Variants in TBC1D21 observed in about 807,000 individuals in gnomAD.
TBC1D21 encodes the protein TBC1 domain family member 21, also known as male germ cell Rab GTPase-activating protein.
In TBC1D21, 38 loss-of-function variants were observed where a neutral mutation model predicts 46.0. The ratio of observed to expected loss-of-function variants is 0.83; its 90% CI spans 0.64 to 1.08. TBC1D21 has a LOEUF of 1.08. TBC1D21 is among the 50% of genes least tolerant of loss of function. The pLI is 0.00. For synonymous variants in TBC1D21, 151 were observed against 157.2 expected (o/e 0.96, Z 0.29); for missense variants, 415 against 417.9 (o/e 0.99, Z 0.06).
chr15:73,896,072 T>G, the TBC1D21 span, among the ~76,000 whole-genome samples: 1 of 151,972 alleles, frequency 6.6e-6, no homozygotes, highest in Non-Finnish European at 1.5e-5. Flanking sequence ...TTCCTGGTAA[T>G]GATAGTGACA....
At chr15:73,892,266 AT>A (rs1240324973), downstream of TBC1D21, among the ~76,000 whole-genome samples, 1 of 152,152 alleles carries the variant, frequency 6.6e-6, no homozygotes, top group Non-Finnish European at 1.5e-5. Context: ...CACATACCTC[AT>A]TCTTCCTGGA....
rs529433343 is a variant in TBC1D21, at chr15:73,884,710, G to A, written c.368-71G>A. Reference sequence around the variant, plus strand: ...CCTAGGGCCTGCCCATTGGGGTAGGGGAAGAAATTCACCCATAGACCTGCT... The same window carrying A: ...CCTAGGGCCTGCCCATTGGGGTAGGAGAAGAAATTCACCCATAGACCTGCT... On this transcript the variant is annotated intron_variant, in intron 4 of 10. Transcript: ENST00000300504. 13 of 1,111,830 alleles carry A rather than the reference G, an allele frequency of 1.2e-5. No individual in the cohort carries two copies. The African/African-American group carries it at 1.7e-4, about 15-fold the overall frequency. 68.9% of individuals were successfully genotyped at this position (1,111,830 alleles called of 1,614,324 possible). A position where few individuals can be genotyped will look rare whatever the true frequency, so the allele number is the denominator to read the frequency against.
chr15:73,898,880 A>AAAAAAAAATATATATAT, the TBC1D21 span, among the ~76,000 whole-genome samples: 47 of 56,784 alleles, frequency 8.3e-4, no homozygotes, highest in African/African-American at 1.3e-3. Context: ...AAAAAAAAAA[A>AAAAAAAAATATATATAT]ATATATATAT....
intron 6 of TBC1D21, 106 bp from the exon 7 acceptor site, chr15:73,885,972 A>G: frequency 4.7e-6 from 4 of 852,538 alleles, no homozygotes; most frequent in Non-Finnish European, 7.7e-6. Context: ...CAGCGCACAG[A>G]CAGACACACA....
the TBC1D21 span, among the ~76,000 whole-genome samples, chr15:73,897,986 C>A: frequency 6.6e-6 from 1 of 152,230 alleles, no homozygotes; most frequent in African/African-American, 2.4e-5. Flanking sequence ...CACACACATT[C>A]TCAGTGTAGT....
At chr15:73,892,550 C>T (rs1567071815), downstream of TBC1D21, among the ~76,000 whole-genome samples, 1 of 152,224 alleles carries the variant, frequency 6.6e-6, no homozygotes, top group Non-Finnish European at 1.5e-5. Flanking sequence ...GTTTGTGGTA[C>T]TCCTGGTCCA....
the TBC1D21 span, among the ~76,000 whole-genome samples, chr15:73,895,627 T>C: frequency 1.3e-5 from 2 of 152,204 alleles, no homozygotes; most frequent in Non-Finnish European, 2.9e-5. Context: ...TGGGAGCAAA[T>C]AGGATGCAAA....
downstream of TBC1D21, among the ~76,000 whole-genome samples, chr15:73,892,090 T>C (rs2068341914): frequency 6.6e-6 from 1 of 152,190 alleles, no homozygotes; most frequent in South Asian, 2.1e-4. Context: ...CAAATCAGCA[T>C]GCACTTCCTC....
At chr15:73,888,630 C>CTCCTCCTCTTCTTCT (rs2068301502) in intron 10 of TBC1D21, 117 bp downstream of exon 10, 2 of 730,464 alleles carry the variant, frequency 2.7e-6, no homozygotes, top group Non-Finnish European at 4.6e-6. Flanking sequence ...CCTCTTCTTC[C>CTCCTCCTCTTCTTCT]TCCTCCTCTT....
chr15:73,896,585 T>G, the TBC1D21 span, among the ~76,000 whole-genome samples: 18,884 of 151,874 alleles, frequency 0.12, 1,466 homozygotes, highest in Non-Finnish European at 0.17. Flanking sequence ...CTAGAGAACG[T>G]GGCGGAACAA....
rs2068200473 is a variant in TBC1D21 at position 73,884,106 on chromosome 15, G to T, written c.273-45G>T. 4 of 1,405,532 alleles carry T rather than the reference G, an allele frequency of 2.8e-6. No individual in the cohort carries two copies. The African/African-American group carries it at 9.4e-5, about 33-fold the overall frequency. 87.1% of individuals were successfully genotyped at this position (1,405,532 alleles called of 1,614,324 possible). ...GCAGCTGCTCATTCACCACTTATCA[G>T]AAGGGGAAAAGCCACCTTGTTCAGC... On this transcript the variant is annotated intron_variant, in intron 3 of 10. Transcript: ENST00000300504.
chr15:73,885,090 T>TC lies in TBC1D21; in HGVS notation c.568dup (p.Leu190ProfsTer34). On this transcript the variant is annotated frameshift_variant, in exon 6 of 11. Coordinates refer to ENST00000300504, the MANE Select transcript of TBC1D21 (RefSeq NM_153356.3). LOFTEE classifies it high-confidence loss of function. ...GAGACCTTCTGGCTTTTCCAGTTCT[T>TC]CCTGCAGAAAACGGTGAGGGCAAGG... 6.2e-7 allele frequency: 1 copy of TC among 1,612,630 alleles called. No individual in the cohort carries two copies. Among genetic ancestry groups the TC allele is most frequent in the Non-Finnish European group, 8.5e-7 (1 of 1,179,946 alleles).
At chr15:73,895,072 C>A in the TBC1D21 span, among the ~76,000 whole-genome samples, 2 of 152,154 alleles carry the variant, frequency 1.3e-5, no homozygotes, top group Admixed American at 6.5e-5. Flanking sequence ...TTAAAAATAA[C>A]CAATTCCCAG....
downstream of TBC1D21, chr15:73,889,265 G>A: frequency 2.5e-6 from 2 of 800,312 alleles, no homozygotes; most frequent in Admixed American, 2.1e-5. Context: ...GGACGCACAT[G>A]AGGGCTGAGA....
chr15:73,899,939 G>A, the TBC1D21 span, among the ~76,000 whole-genome samples: 1 of 152,230 alleles, frequency 6.6e-6, no homozygotes, highest in Non-Finnish European at 1.5e-5. Context: ...GTCTGCACAG[G>A]GGACTGGGCC....
the TBC1D21 span, among the ~76,000 whole-genome samples, chr15:73,905,561 T>G: frequency 6.6e-6 from 1 of 152,258 alleles, no homozygotes; most frequent in African/African-American, 2.4e-5. Context: ...ACACCTTTTC[T>G]TAATTCTGCA....
At chr15:73,886,265 G>A in intron 7 of TBC1D21, 91 bp downstream of exon 7, 2 of 1,142,770 alleles carry the variant, frequency 1.8e-6, no homozygotes, top group South Asian at 1.3e-5. Flanking sequence ...TCATGGGGGG[G>A]CTGGAGAGCA....
chr15:73,881,467 C>T lies in TBC1D21; in HGVS notation c.129C>T (p.Ala43=). The change falls in exon 2 of 11, where the codon GCC becomes GCT. Residue 43 remains alanine, a synonymous_variant. Coordinates refer to ENST00000300504, the MANE Select transcript of TBC1D21 (RefSeq NM_153356.3). ...DSFFDESGHL[A]KSRDFICVNI... is the part of the protein sequence containing the mutation. ...TCTTTGATGAGAGTGGCCACTTGGC[C>T]AAATCACGGGACTTCATTTGTGTTA... 2.5e-6 allele frequency: 4 copies of T among 1,614,176 alleles called. No individual in the cohort carries two copies. The highest frequency in any genetic ancestry group is 3.4e-6 in the Non-Finnish European group (4 of 1,180,028).
chr15:73,888,604 T>TC lies in TBC1D21; in HGVS notation c.978+92dup, dbSNP rs369010957. 4.4e-3 allele frequency: 3,673 copies of TC among 842,566 alleles called. 102 individuals are homozygous for TC. In the African/African-American group the frequency reaches 0.057, roughly 13 times the overall value. The allele number at this position is 842,566 out of a possible 1,614,324, so 52.2% of individuals were successfully genotyped here. A position where few individuals can be genotyped will look rare whatever the true frequency, so the allele number is the denominator to read the frequency against. ...CTCTTCCTCCTCCTCCTCCTCCTCC[T>TC]CTTCTTCCTCCTCCTCCTCTTCTTC... On this transcript the variant is annotated intron_variant, in intron 10 of 10. Coordinates refer to ENST00000300504, the MANE Select transcript of TBC1D21 (RefSeq NM_153356.3).
Sources: gnomAD v4.1 joint callset for allele counts (sites outside exome capture counted in the v4.1 genomes callset) on GRCh38, gnomAD v4.1.1 for gene constraint, MANE v1.5 for transcripts, NCBI Gene and HGNC (gene_info 2026-07-23, HGNC 2026-07-21) for gene names.